The following PRR16 variants were observed in gnomAD, a reference collection of about 807,000 sequenced individuals.
PRR16 encodes protein Largen.
In PRR16, 6 loss-of-function variants were observed where a neutral mutation model predicts 18.2. That is an observed-to-expected ratio of 0.33 (90% CI 0.18 to 0.65). The LOEUF (loss-of-function observed/expected upper bound fraction) is 0.65. Ranked by LOEUF, PRR16 falls within the 30% of genes least tolerant of loss-of-function variation. The probability of loss-of-function intolerance (pLI) is 0.74; values close to 1 mark genes in which losing one functional copy is unlikely to be tolerated. For missense variants in PRR16, 412 were observed against 376.6 expected, an observed-to-expected ratio of 1.09 and a Z score of -0.78; for synonymous variants, 151 against 147.8, an observed-to-expected ratio of 1.02 and a Z score of -0.16.
the PRR16 span, among the ~76,000 whole-genome samples, chr5:120,721,243 C>T: frequency 6.6e-6 from 1 of 151,934 alleles, no homozygotes; most frequent in Non-Finnish European, 1.5e-5. Context: ...GAGATTCCTG[C>T]TCTTGTTGAA....
chr5:120,762,135 G>C, the PRR16 span, among the ~76,000 whole-genome samples: 21,865 of 152,024 alleles, frequency 0.14, 2,307 homozygotes, highest in African/African-American at 0.3. Context: ...TAGGCTGATT[G>C]CATGTATCTT....
the PRR16 span, among the ~76,000 whole-genome samples, chr5:120,714,693 T>C: frequency 6.6e-6 from 1 of 152,242 alleles, no homozygotes; most frequent in African/African-American, 2.4e-5. Flanking sequence ...TGCACACATA[T>C]GTTTACTGCA....
intron 1 of PRR16, among the ~76,000 whole-genome samples, chr5:120,466,612 G>T (rs1201552135): frequency 6.6e-6 from 1 of 152,054 alleles, no homozygotes; most frequent in African/African-American, 2.4e-5. Context: ...CCTCCCTGTG[G>T]TTATTGGTTA....
the PRR16 span, among the ~76,000 whole-genome samples, chr5:120,713,704 C>T: frequency 1.3e-5 from 2 of 152,006 alleles, no homozygotes; most frequent in Admixed American, 6.6e-5. Context: ...GTAGTTTTTC[C>T]TCCTTTTCTG....
At chr5:120,469,629 T>C (rs1431890865) in intron 1 of PRR16, among the ~76,000 whole-genome samples, 2 of 152,168 alleles carry the variant, frequency 1.3e-5, no homozygotes, top group Non-Finnish European at 1.5e-5. Context: ...CATGTCTGGC[T>C]TGAAGTATTT....
At chr5:120,664,026 C>T (rs554412544) in intron 1 of PRR16, among the ~76,000 whole-genome samples, 1 of 152,184 alleles carries the variant, frequency 6.6e-6, no homozygotes, top group South Asian at 2.1e-4. Context: ...TGGCCGGGCG[C>T]GGTGGCTCAT....
At chr5:120,681,117 A>T (rs1323206985) in intron 1 of PRR16, among the ~76,000 whole-genome samples, 2 of 152,086 alleles carry the variant, frequency 1.3e-5, no homozygotes, top group African/African-American at 4.8e-5. Context: ...ACATTATTTT[A>T]ATCTATTTAC....
chr5:120,768,860 G>A, the PRR16 span, among the ~76,000 whole-genome samples: 3 of 151,638 alleles, frequency 2.0e-5, no homozygotes, highest in Non-Finnish European at 3.0e-5. Context: ...GTCTTCAGTG[G>A]ATATACTTTT....
intron 1 of PRR16, among the ~76,000 whole-genome samples, chr5:120,510,492 G>T (rs1437925711): frequency 6.6e-6 from 1 of 152,102 alleles, no homozygotes; most frequent in East Asian, 1.9e-4. Context: ...AGATTATTTT[G>T]CACTTCCTAT....
At chr5:120,542,663 A>G (rs1230672432) in intron 1 of PRR16, among the ~76,000 whole-genome samples, 5 of 152,192 alleles carry the variant, frequency 3.3e-5, no homozygotes, top group African/African-American at 7.2e-5. Context: ...CCAAGGTGTC[A>G]TGGTCTATGT....
intron 1 of PRR16, among the ~76,000 whole-genome samples, chr5:120,602,816 G>A (rs1403315561): frequency 6.6e-6 from 1 of 151,974 alleles, no homozygotes; most frequent in Non-Finnish European, 1.5e-5. Context: ...AGTCTATTCA[G>A]TTGATTATGT....
intron 1 of PRR16, among the ~76,000 whole-genome samples, chr5:120,469,885 T>C (rs1749213986): frequency 6.6e-6 from 1 of 152,154 alleles, no homozygotes; most frequent in Non-Finnish European, 1.5e-5. Flanking sequence ...AATTAAAACA[T>C]TCAACACTTA....
At chr5:120,506,979 C>T (rs767784838) in intron 1 of PRR16, among the ~76,000 whole-genome samples, 6 of 152,080 alleles carry the variant, frequency 3.9e-5, no homozygotes, top group African/African-American at 4.8e-5. Context: ...GGCAAGGCAA[C>T]TGTTAATGGC....
At chr5:120,666,992 T>C (rs1372584457) in intron 1 of PRR16, among the ~76,000 whole-genome samples, 2 of 147,928 alleles carry the variant, frequency 1.4e-5, no homozygotes, top group African/African-American at 5.0e-5. Context: ...TTAGGGAGGA[T>C]TCCCTCTTTT....
chr5:120,576,976 A>T (rs1753099913), intron 1 of PRR16, among the ~76,000 whole-genome samples: 3 of 152,070 alleles, frequency 2.0e-5, no homozygotes, highest in South Asian at 2.1e-4. Context: ...ATATGTTTAT[A>T]ACATCCATTT....
At chr5:120,502,647 C>T (rs78988879) in intron 1 of PRR16, among the ~76,000 whole-genome samples, 2 of 152,248 alleles carry the variant, frequency 1.3e-5, no homozygotes, top group East Asian at 3.9e-4. Context: ...AGCCCTGTTA[C>T]TAACCTTGGG....
At chr5:120,738,551 G>A in the PRR16 span, among the ~76,000 whole-genome samples, 11 of 152,104 alleles carry the variant, frequency 7.2e-5, no homozygotes, top group South Asian at 1.5e-3. Context: ...TGAAAGTGAG[G>A]GAATGATTTT....
chr5:120,548,177 C>T (rs934009321), intron 1 of PRR16, among the ~76,000 whole-genome samples: 2 of 152,064 alleles, frequency 1.3e-5, no homozygotes, highest in Non-Finnish European at 2.9e-5. Flanking sequence ...ACATGATTTA[C>T]ATAACCATTT....
chr5:120,759,107 G>C, the PRR16 span, among the ~76,000 whole-genome samples: 1 of 150,544 alleles, frequency 6.6e-6, no homozygotes, highest in African/African-American at 2.4e-5. Context: ...CTCCCAAGTA[G>C]CTGGGACTAC....
Sources: allele counts gnomAD v4.1 joint callset (sites outside exome capture counted in the v4.1 genomes callset), GRCh38; gene constraint gnomAD v4.1.1; transcripts MANE v1.5; gene names NCBI Gene and HGNC (gene_info 2026-07-23, HGNC 2026-07-21).